The following PATJ variants were observed in gnomAD, a reference collection of about 807,000 sequenced individuals.
PATJ encodes inaD-like protein.
A neutral mutation model predicts 224.9 loss-of-function variants in PATJ; 190 were observed. That is an observed-to-expected ratio of 0.84 (90% CI 0.75 to 0.95). PATJ has a LOEUF of 0.95. Among genes scored for constraint, PATJ ranks in the 40% least tolerant of loss-of-function variants. PATJ has a pLI of 0.00. For missense variants in PATJ, 2,121 were observed against 2,270.3 expected, an observed-to-expected ratio of 0.93 and a Z score of 1.34; for synonymous variants, 769 against 820.3, an observed-to-expected ratio of 0.94 and a Z score of 1.07.
At chr1:62,030,992 T>C (rs1209497618) in intron 29 of PATJ, among the ~76,000 whole-genome samples, 1 of 152,190 alleles carries the variant, frequency 6.6e-6, no homozygotes, top group African/African-American at 2.4e-5. Context: ...TAAAAAATTA[T>C]TGAATAAACT....
At chr1:62,064,474 G>C (rs1444237691) in intron 31 of PATJ, among the ~76,000 whole-genome samples, 1 of 151,998 alleles carries the variant, frequency 6.6e-6, no homozygotes, top group Non-Finnish European at 1.5e-5. Context: ...GATTACAGGT[G>C]TGCATCACCA....
At chr1:61,935,600 C>T (rs1163587480) in intron 27 of PATJ, among the ~76,000 whole-genome samples, 1 of 152,020 alleles carries the variant, frequency 6.6e-6, no homozygotes, top group Non-Finnish European at 1.5e-5. Context: ...CCAGACTGGC[C>T]TGGCCAACAT....
chr1:62,090,529 C>T (rs533631537), intron 33 of PATJ, among the ~76,000 whole-genome samples: 1 of 152,252 alleles, frequency 6.6e-6, no homozygotes, highest in East Asian at 1.9e-4. Context: ...AGAGCCATGG[C>T]ATCCACTTTC....
intron 23 of PATJ, among the ~76,000 whole-genome samples, chr1:61,900,645 A>G (rs1353200811): frequency 1.3e-5 from 2 of 151,608 alleles, no homozygotes. Flanking sequence ...GCTGGAGTGC[A>G]GTGGCGCAAT....
At chr1:61,878,308 T>C (rs2149043212) in intron 21 of PATJ, among the ~76,000 whole-genome samples, 1 of 152,106 alleles carries the variant, frequency 6.6e-6, no homozygotes, top group East Asian at 1.9e-4. Flanking sequence ...GATTGTCATA[T>C]GGGAATGGAG....
At chr1:61,796,383 TATC>T (rs538379358) in intron 10 of PATJ, among the ~76,000 whole-genome samples, 223 of 152,326 alleles carry the variant, frequency 1.5e-3, no homozygotes, top group African/African-American at 5.1e-3. Flanking sequence ...TTCTTGAAAA[TATC>T]ATGTGGTGAT....
intron 19 of PATJ, among the ~76,000 whole-genome samples, chr1:61,862,071 C>T (rs1352204388): frequency 6.6e-6 from 1 of 152,136 alleles, no homozygotes; most frequent in Admixed American, 6.5e-5. Flanking sequence ...TCACGTTGCC[C>T]AGGCTGGTCT....
At position 62,079,439 on chromosome 1, in the gene PATJ, T is replaced by G. The variant is rs1658892372; in HGVS notation, c.4126-11T>G. 1 of 1,547,932 alleles carries G rather than the reference T, an allele frequency of 6.5e-7. No homozygotes were observed. The highest frequency in any genetic ancestry group is 8.9e-7 in the Non-Finnish European group (1 of 1,123,858). On this transcript the variant is annotated splice_polypyrimidine_tract_variant and intron_variant, in intron 31 of 43. Transcript: ENST00000642238. ...TTTTTGATATTCATCTAATTTTCCT[T>G]TCTTTTGTAGGCTGTCAGCCAGATG...
chr1:62,061,228 C>A (rs1655373078), intron 31 of PATJ, among the ~76,000 whole-genome samples: 2 of 151,992 alleles, frequency 1.3e-5, no homozygotes, highest in Admixed American at 1.3e-4. Context: ...GTCACCCAGG[C>A]TGGAGTACAG....
chr1:61,800,546 G>A (rs1652254873), intron 11 of PATJ, among the ~76,000 whole-genome samples: 1 of 152,084 alleles, frequency 6.6e-6, no homozygotes, highest in South Asian at 2.1e-4. Flanking sequence ...TTACTGTGTT[G>A]ACTACCTATT....
chr1:61,815,692 T>TA (rs34705901), intron 14 of PATJ, among the ~76,000 whole-genome samples: 1 of 152,024 alleles, frequency 6.6e-6, no homozygotes, highest in Non-Finnish European at 1.5e-5. Context: ...TCTATATTTT[T>TA]AAAAAAAGAA....
Position 61,961,696 on chromosome 1 carries a change from C to T in PATJ, c.3671-28472C>T, listed in dbSNP as rs191168403. Reference sequence around the variant, plus strand: ...AGAAATATGAATACAGGGCTGGGCGCGGTGGCTCGTGCCTGTAATCCCAGC... The same window carrying T: ...AGAAATATGAATACAGGGCTGGGCGTGGTGGCTCGTGCCTGTAATCCCAGC... On this transcript the variant is annotated intron_variant, in intron 27 of 43. Coordinates refer to ENST00000642238, the MANE Select transcript of PATJ (RefSeq NM_001350145.3). 7.1e-3 allele frequency among the ~76,000 whole-genome samples: 1,084 copies of T among 152,076 alleles called. 7 individuals are homozygous for T. The highest frequency in any genetic ancestry group is 0.012 in the Non-Finnish European group (793 of 67,988).
chr1:62,138,537 C>A (rs1667180096), intron 41 of PATJ, among the ~76,000 whole-genome samples: 1 of 152,014 alleles, frequency 6.6e-6, no homozygotes, highest in Non-Finnish European at 1.5e-5. Flanking sequence ...AAACTCCTGA[C>A]CTCAGGTGAT....
rs1665707144 is a variant in PATJ at position 62,126,211 on chromosome 1, T to C, written c.5044-1761T>C. On this transcript the variant is annotated intron_variant, in intron 39 of 43. Coordinates refer to ENST00000642238, the MANE Select transcript of PATJ (RefSeq NM_001350145.3). ...TTCTTCTCTTTCCCTCTTTCTTGAT[T>C]CTTCTGCCCAGAAGGATGGAATTTC... Among the ~76,000 whole-genome samples, 4 of 152,234 alleles carry C rather than the reference T, an allele frequency of 2.6e-5. No individual in the cohort carries two copies. In the South Asian group the frequency reaches 8.3e-4, roughly 32 times the overall value.
intron 11 of PATJ, among the ~76,000 whole-genome samples, chr1:61,799,175 AT>A (rs1212647328): frequency 2.6e-5 from 4 of 152,086 alleles, no homozygotes; most frequent in African/African-American, 7.2e-5. Context: ...CATTAAAAAA[AT>A]TTTTTTTAAT....
At chr1:61,959,480 G>A (rs527687109) in intron 27 of PATJ, among the ~76,000 whole-genome samples, 26 of 141,336 alleles carry the variant, frequency 1.8e-4, no homozygotes, top group African/African-American at 6.7e-4. Flanking sequence ...CCATTGCCAG[G>A]CTGGAGTGCA....
Position 61,878,784 on chromosome 1 carries a change from T to C in PATJ, c.2959+3418T>C, listed in dbSNP as rs540345169. ...GTACCCCAAATATACTATGAACTTATGGATTTTTTTTTTTTTTGAGACGGA... is the reference window on the plus strand; with the variant it reads ...GTACCCCAAATATACTATGAACTTACGGATTTTTTTTTTTTTTGAGACGGA... On this transcript the variant is annotated intron_variant, in intron 21 of 43. Transcript: ENST00000642238. 1.3e-4 allele frequency among the ~76,000 whole-genome samples: 20 copies of C among 151,368 alleles called. No individual in the cohort carries two copies. In the South Asian group the frequency reaches 2.5e-3, roughly 19 times the overall value.
chr1:61,821,124 T>C lies in PATJ; in HGVS notation c.1684-1821T>C, dbSNP rs553710247. On this transcript the variant is annotated intron_variant, in intron 14 of 43. Transcript: ENST00000642238. ...GGTGCAACCTCAGCTCACTGCAAGC[T>C]CCACCTCCCGGGTTTACTTATGCCA... Among the ~76,000 whole-genome samples the C allele has an allele frequency of 1.7e-4, 25 of 151,080 alleles. No homozygotes were observed. The East Asian group carries it at 4.7e-3, about 28-fold the overall frequency.
chr1:61,870,107 T>TCAG (rs1666108292), intron 20 of PATJ, among the ~76,000 whole-genome samples: 2 of 152,024 alleles, frequency 1.3e-5, no homozygotes, highest in Non-Finnish European at 2.9e-5. Flanking sequence ...GTATCCACAC[T>TCAG]TGTGGCTCCT....
Sources: gnomAD v4.1 joint callset for allele counts (sites outside exome capture counted in the v4.1 genomes callset) on GRCh38, gnomAD v4.1.1 for gene constraint, MANE v1.5 for transcripts, NCBI Gene and HGNC (gene_info 2026-07-23, HGNC 2026-07-21) for gene names.